HPSE2: variants seen among roughly 807,000 people sequenced by gnomAD.
HPSE2 encodes the protein heparanase 2 (inactive), also known as inactive heparanase-2.
A neutral mutation model predicts 60.5 loss-of-function variants in HPSE2; 38 were observed. That is an observed-to-expected ratio of 0.63 (90% CI 0.48 to 0.82). HPSE2 has a LOEUF of 0.82. HPSE2 is among the 40% of genes least tolerant of loss of function. The probability of loss-of-function intolerance (pLI) is 0.00; values close to 1 mark genes in which losing one functional copy is unlikely to be tolerated. For synonymous variants in HPSE2, 295 were observed against 293.2 expected (o/e 1.01, Z -0.06); for missense variants, 713 against 740.4 (o/e 0.96, Z 0.43).
Position 99,158,692 on chromosome 10 carries a change from C to T in HPSE2, c.449-14293G>A, listed in dbSNP as rs866183435. ...AGCGCACCAGCATGGCACATGTATA[C>T]ATATGTAACTAACCTGCACAATGTG... On this transcript the variant is annotated intron_variant, in intron 2 of 11. Coordinates refer to ENST00000370552, the MANE Select transcript of HPSE2 (RefSeq NM_021828.5). 2.6e-4 allele frequency among the ~76,000 whole-genome samples: 38 copies of T among 147,798 alleles called. No homozygotes were observed. In the South Asian group the frequency reaches 3.7e-3, roughly 14 times the overall value.
intron 3 of HPSE2, among the ~76,000 whole-genome samples, chr10:98,792,660 G>A (rs1044735089): frequency 3.4e-5 from 5 of 146,300 alleles, no homozygotes; most frequent in African/African-American, 1.3e-4. Context: ...AAAAAAACAC[G>A]AAGAATGGAA....
intron 3 of HPSE2, among the ~76,000 whole-genome samples, chr10:98,956,848 C>G (rs1429203811): frequency 6.6e-6 from 1 of 152,000 alleles, no homozygotes; most frequent in African/African-American, 2.4e-5. Flanking sequence ...GAAGCCTCAA[C>G]GATGAAAAGG....
chr10:99,314,724 C>T, the HPSE2 span, among the ~76,000 whole-genome samples: 1 of 151,986 alleles, frequency 6.6e-6, no homozygotes, highest in Non-Finnish European at 1.5e-5. Context: ...AAAATAAATC[C>T]TTTTTATTTT....
At chr10:99,020,624 G>A (rs1288697605) in intron 3 of HPSE2, among the ~76,000 whole-genome samples, 1 of 152,198 alleles carries the variant, frequency 6.6e-6, no homozygotes, top group South Asian at 2.1e-4. Flanking sequence ...CCTGAGGGAA[G>A]GGCAGTGTGT....
At chr10:99,094,228 C>T (rs1410159340) in intron 3 of HPSE2, among the ~76,000 whole-genome samples, 2 of 151,536 alleles carry the variant, frequency 1.3e-5, no homozygotes, top group African/African-American at 2.4e-5. Context: ...TGTCGTCGTT[C>T]ACGTTATTAA....
chr10:98,540,868 A>G (rs961740386), intron 9 of HPSE2, among the ~76,000 whole-genome samples: 11 of 152,230 alleles, frequency 7.2e-5, no homozygotes, highest in African/African-American at 2.7e-4. Flanking sequence ...TAAAGAGGAA[A>G]TATGAGGATA....
intron 3 of HPSE2, among the ~76,000 whole-genome samples, chr10:98,766,591 G>A (rs1950124043): frequency 6.6e-6 from 1 of 152,100 alleles, no homozygotes; most frequent in South Asian, 2.1e-4. Context: ...CAACCAAGTG[G>A]AGTTTATTCC....
intron 3 of HPSE2, among the ~76,000 whole-genome samples, chr10:99,066,447 T>C (rs1218113851): frequency 6.6e-6 from 1 of 152,202 alleles, no homozygotes; most frequent in Non-Finnish European, 1.5e-5. Context: ...GTTCTCATGA[T>C]GCTAATAAAA....
At chr10:98,876,967 A>G (rs1952893681) in intron 3 of HPSE2, among the ~76,000 whole-genome samples, 1 of 151,868 alleles carries the variant, frequency 6.6e-6, no homozygotes, top group African/African-American at 2.4e-5. Context: ...CTTTTCTGTT[A>G]CACCTCTGAA....
intron 3 of HPSE2, among the ~76,000 whole-genome samples, chr10:98,981,295 C>T (rs1323972094): frequency 6.6e-6 from 1 of 152,112 alleles, no homozygotes. Flanking sequence ...TTCTTAATTA[C>T]TACCTCCAAA....
intron 3 of HPSE2, among the ~76,000 whole-genome samples, chr10:98,974,517 T>C (rs564844695): frequency 2.6e-4 from 39 of 152,130 alleles, no homozygotes; most frequent in Middle Eastern, 3.4e-3. Context: ...CCACCCGCCT[T>C]GGCCTGCCAA....
At chr10:99,190,499 G>A (rs1049880981) in intron 2 of HPSE2, among the ~76,000 whole-genome samples, 16 of 152,226 alleles carry the variant, frequency 1.1e-4, no homozygotes, top group African/African-American at 3.4e-4. Context: ...TAACTGACTC[G>A]TCCACACAGT....
At chr10:99,059,476 A>C (rs1290744501) in intron 3 of HPSE2, among the ~76,000 whole-genome samples, 1 of 152,194 alleles carries the variant, frequency 6.6e-6, no homozygotes, top group African/African-American at 2.4e-5. Flanking sequence ...TGGCATAAAG[A>C]AAAAGTAGTC....
At chr10:98,872,171 A>T (rs1162074273) in intron 3 of HPSE2, among the ~76,000 whole-genome samples, 1 of 152,072 alleles carries the variant, frequency 6.6e-6, no homozygotes, top group Non-Finnish European at 1.5e-5. Context: ...AAAAGGAAGG[A>T]CCGTTTTCTG....
At chr10:99,170,803 T>C (rs757187255) in intron 2 of HPSE2, among the ~76,000 whole-genome samples, 1 of 152,252 alleles carries the variant, frequency 6.6e-6, no homozygotes, top group Non-Finnish European at 1.5e-5. Flanking sequence ...GTCCGCCCTC[T>C]GTATCCATGA....
At chr10:99,216,089 T>G (rs1437378502) in intron 2 of HPSE2, among the ~76,000 whole-genome samples, 1 of 152,110 alleles carries the variant, frequency 6.6e-6, no homozygotes, top group Non-Finnish European at 1.5e-5. Context: ...TGCATGTAAT[T>G]GATGAGAATA....
At chr10:98,963,207 G>GA (rs940268332) in intron 3 of HPSE2, among the ~76,000 whole-genome samples, 3 of 151,380 alleles carry the variant, frequency 2.0e-5, no homozygotes, top group African/African-American at 4.8e-5. Flanking sequence ...GGAGTATGCA[G>GA]AAAAAAAAGA....
intron 2 of HPSE2, among the ~76,000 whole-genome samples, chr10:99,196,342 T>A (rs1028137365): frequency 1.3e-5 from 2 of 151,756 alleles, no homozygotes; most frequent in Non-Finnish European, 2.9e-5. Context: ...GTAACCAAAG[T>A]GAAAATGAAT....
At chr10:99,244,192 T>C in the HPSE2 span, among the ~76,000 whole-genome samples, 1 of 151,436 alleles carries the variant, frequency 6.6e-6, no homozygotes, top group African/African-American at 2.4e-5. Context: ...TAATTTTTTG[T>C]ATTTTTAGTA....
Sources: gnomAD v4.1 joint callset for allele counts (sites outside exome capture counted in the v4.1 genomes callset) on GRCh38, gnomAD v4.1.1 for gene constraint, MANE v1.5 for transcripts, NCBI Gene and HGNC (gene_info 2026-07-23, HGNC 2026-07-21) for gene names.